LMBR1: variants seen among roughly 807,000 people sequenced by gnomAD.
LMBR1 encodes the protein limb region 1 protein homolog.
Under a neutral mutation model 73.9 loss-of-function variants are expected in LMBR1, and 52 were observed. The observed-to-expected ratio is 0.70, with a 90% confidence interval of 0.56 to 0.89. The LOEUF is 0.89. LMBR1 is among the 40% of genes least tolerant of loss of function. The pLI, the probability that LMBR1 is intolerant of heterozygous loss-of-function variation, is 0.00. For synonymous variants in LMBR1, 215 were observed against 209.4 expected, an observed-to-expected ratio of 1.03 and a Z score of -0.23; for missense variants, 539 against 579.8, an observed-to-expected ratio of 0.93 and a Z score of 0.72.
At chr7:156,798,662 T>C (rs957539993) in intron 4 of LMBR1, among the ~76,000 whole-genome samples, 2 of 152,176 alleles carry the variant, frequency 1.3e-5, no homozygotes, top group African/African-American at 2.4e-5. Context: ...TTCAGATATG[T>C]GGGGTATAAC....
Position 156,704,366 on chromosome 7 carries a change from G to A in LMBR1, c.1226-16175C>T, listed in dbSNP as rs144345086. Among the ~76,000 whole-genome samples, 1,429 of 152,164 alleles carry A rather than the reference G, an allele frequency of 9.4e-3. 15 individuals are homozygous for A. The highest frequency in any genetic ancestry group is 0.034 in the Middle Eastern group (10 of 294). ...TTTATAGCCAAAGAAATCATGCAGC[G>A]TTTTTATCACTGCACATCCTGAAAC... On this transcript the variant is annotated intron_variant, in intron 15 of 16. Coordinates refer to ENST00000353442, the MANE Select transcript of LMBR1 (RefSeq NM_022458.4).
In LMBR1 at chr7:156,853,867, G is replaced by A. The variant is rs554043838; in HGVS notation, c.67-16982C>T. Among the ~76,000 whole-genome samples the A allele has an allele frequency of 2.0e-5, 3 of 151,846 alleles. No homozygotes were observed. The South Asian group carries it at 6.3e-4, about 32-fold the overall frequency. ...GATGGGGCTTCATCATGTTGGCCAG[G>A]CTGGTCCCGAACTCCTACCTCAGGT... On this transcript the variant is annotated intron_variant, in intron 1 of 16. Transcript: ENST00000353442.
intron 4 of LMBR1, among the ~76,000 whole-genome samples, chr7:156,810,263 A>C (rs1832860837): frequency 6.6e-6 from 1 of 152,138 alleles, no homozygotes; most frequent in South Asian, 2.1e-4. Context: ...GCTCTTTTTA[A>C]CAACCAGCTC....
Position 156,713,775 on chromosome 7 carries a change from C to A in LMBR1, c.1225+10337G>T, listed in dbSNP as rs758056516. 3.2e-4 allele frequency among the ~76,000 whole-genome samples: 48 copies of A among 152,188 alleles called. 1 individual carries two copies. The highest frequency in any genetic ancestry group is 5.3e-4 in the Non-Finnish European group (36 of 67,996). On this transcript the variant is annotated intron_variant, in intron 15 of 16. Coordinates refer to ENST00000353442, the MANE Select transcript of LMBR1 (RefSeq NM_022458.4). ...TGCAGTTTATTGTATGTCAATTATA[C>A]CTCAATAAAGCTGTTAAAATGCATT...
chr7:156,855,058 A>T (rs763769131), intron 1 of LMBR1, among the ~76,000 whole-genome samples: 1 of 152,224 alleles, frequency 6.6e-6, no homozygotes, highest in African/African-American at 2.4e-5. Flanking sequence ...AAATGCAAAA[A>T]TCACAATCTA....
At chr7:156,690,039 C>T (rs1304849084) in intron 15 of LMBR1, among the ~76,000 whole-genome samples, 1 of 152,118 alleles carries the variant, frequency 6.6e-6, no homozygotes, top group Non-Finnish European at 1.5e-5. Flanking sequence ...AACCCAGACA[C>T]AGACACCCAA....
chr7:156,825,564 C>T (rs1311795228), intron 4 of LMBR1, among the ~76,000 whole-genome samples: 2 of 151,980 alleles, frequency 1.3e-5, no homozygotes, highest in African/African-American at 2.4e-5. Context: ...AAAATTAAAA[C>T]ATTAAAAAAT....
chr7:156,695,344 T>G (rs1326859870), intron 15 of LMBR1, among the ~76,000 whole-genome samples: 1 of 152,194 alleles, frequency 6.6e-6, no homozygotes, highest in African/African-American at 2.4e-5. Context: ...GTTCTCACAC[T>G]GCTATAAAGA....
At chr7:156,784,108 GA>G (rs901261571) in intron 5 of LMBR1, among the ~76,000 whole-genome samples, 3 of 151,246 alleles carry the variant, frequency 2.0e-5, no homozygotes, top group African/African-American at 7.3e-5. Flanking sequence ...TGGCAATACT[GA>G]GGACTAGATA....
chr7:156,847,336 C>T (rs995058892), intron 1 of LMBR1, among the ~76,000 whole-genome samples: 24 of 152,108 alleles, frequency 1.6e-4, no homozygotes, highest in African/African-American at 5.8e-4. Context: ...CTGTGAGACT[C>T]CTAGAAGATA....
rs759450351 is a variant in LMBR1 at position 156,763,748 on chromosome 7, A to C, written c.471T>G (p.Leu157=). The C allele has an allele frequency of 5.0e-6, 8 of 1,603,920 alleles. No homozygotes were observed. The East Asian group carries it at 1.8e-4, about 36-fold the overall frequency. ...ACACTATCCCAAGAATGAGTAACGC[A>C]AGAAGAAGAAGCATGACCAAAGTCT... ...ILETLVMLLL[L]ALLILGIVWV... Residue 157 remains leucine (L), a synonymous_variant, in exon 6 of 17, where the codon CTT becomes CTG. Coordinates refer to ENST00000353442, the MANE Select transcript of LMBR1 (RefSeq NM_022458.4).
chr7:156,802,274 C>T lies in LMBR1; in HGVS notation c.320-5782G>A, dbSNP rs148644293. 6.2e-3 allele frequency among the ~76,000 whole-genome samples: 943 copies of T among 152,320 alleles called. 17 individuals are homozygous for T. The highest frequency in any genetic ancestry group is 0.022 in the African/African-American group (912 of 41,562). ...CTGGGATTACAGGCATGGGCCACCA[C>T]GCCTGGCCCCTAAACTTCTTATATT... On this transcript the variant is annotated intron_variant, in intron 4 of 16. Transcript: ENST00000353442.
chr7:156,711,607 A>G (rs903100780), intron 15 of LMBR1, among the ~76,000 whole-genome samples: 1 of 152,226 alleles, frequency 6.6e-6, no homozygotes, highest in Non-Finnish European at 1.5e-5. Context: ...AAATTATACA[A>G]CAAGGATACA....
At chr7:156,877,881 CAA>C (rs35576209) in intron 1 of LMBR1, among the ~76,000 whole-genome samples, 388 of 121,892 alleles carry the variant, frequency 3.2e-3, no homozygotes, top group African/African-American at 6.4e-3. Flanking sequence ...AGACTCCACT[CAA>C]AAAAAAAAAA....
At chr7:156,728,595 T>C (rs553502439) in intron 11 of LMBR1, 49 bp downstream of exon 11, 1 of 1,349,700 alleles carries the variant, frequency 7.4e-7, no homozygotes, top group Admixed American at 2.2e-5. Context: ...AATGCTGAAG[T>C]AAATAAAATA....
chr7:156,809,459 A>G (rs1239593920), intron 4 of LMBR1, among the ~76,000 whole-genome samples: 5 of 152,230 alleles, frequency 3.3e-5, no homozygotes. Context: ...GTATTTGCAT[A>G]TAACCTATGC....
intron 1 of LMBR1, among the ~76,000 whole-genome samples, chr7:156,867,797 G>C (rs1026514888): frequency 6.6e-6 from 1 of 152,216 alleles, no homozygotes; most frequent in East Asian, 1.9e-4. Context: ...GGGGATGACT[G>C]CTACTGAACA....
Position 156,683,877 on chromosome 7 carries a change from A to G in LMBR1, c.*201T>C, listed in dbSNP as rs1323075534. On this transcript the variant is annotated 3_prime_UTR_variant, in exon 17 of 17. Coordinates refer to ENST00000353442, the MANE Select transcript of LMBR1 (RefSeq NM_022458.4). ...AGGAATCTGCACTTAACTGGAAACT[A>G]CAGGGTCCATCAGAAAGTTAAATTT... 1.1e-5 allele frequency: 6 copies of G among 561,522 alleles called. No homozygotes were observed. The highest frequency in any genetic ancestry group is 1.9e-5 in the Non-Finnish European group (6 of 317,740). 34.8% of individuals were successfully genotyped at this position (561,522 alleles called of 1,614,324 possible).
chr7:156,718,862 CTT>C (rs141231287), intron 15 of LMBR1, among the ~76,000 whole-genome samples: 38 of 145,008 alleles, frequency 2.6e-4, no homozygotes, highest in African/African-American at 9.3e-4. Flanking sequence ...TTTCAAGTTA[CTT>C]TTTTTTTTTT....
Sources: allele counts gnomAD v4.1 joint callset (sites outside exome capture counted in the v4.1 genomes callset), GRCh38; gene constraint gnomAD v4.1.1; transcripts MANE v1.5; gene names NCBI Gene and HGNC (gene_info 2026-07-23, HGNC 2026-07-21).